The following LRRC43 variants were observed in gnomAD, a reference collection of about 807,000 sequenced individuals.
LRRC43 encodes leucine rich repeat containing 43, also known as leucine-rich repeat-containing protein 43.
LRRC43 carries 62 observed loss-of-function variants against 64.3 expected under a neutral mutation model. That is an observed-to-expected ratio of 0.96 (90% CI 0.79 to 1.19). The LOEUF is 1.19. LRRC43 is among the 50% of genes most tolerant of loss of function. LRRC43 has a pLI of 0.00. For missense variants in LRRC43, 868 were observed against 845.0 expected, an observed-to-expected ratio of 1.03 and a Z score of -0.34; for synonymous variants, 422 against 382.3, an observed-to-expected ratio of 1.10 and a Z score of -1.21.
intron 1 of LRRC43, chr12:122,173,909 G>C: frequency 6.2e-7 from 1 of 1,614,102 alleles, no homozygotes; most frequent in East Asian, 2.2e-5. Flanking sequence ...TCATCACTTG[G>C]TCGTAGTAAA....
chr12:122,183,174 G>A lies in LRRC43; in HGVS notation c.30G>A (p.Glu10=), dbSNP rs1411313509. 1.9e-6 allele frequency: 3 copies of A among 1,556,056 alleles called. No homozygotes were observed. The highest frequency in any genetic ancestry group is 2.6e-6 in the Non-Finnish European group (3 of 1,158,156). MEASYESES[E]SESEAGPGTQ... is the part of the protein sequence containing the mutation. ...AGGCGTCGTACGAGTCCGAGTCCGAGTCCGAGTCTGAGGCCGGGCCTGGGA... is the reference window on the plus strand; with the variant it reads ...AGGCGTCGTACGAGTCCGAGTCCGAATCCGAGTCTGAGGCCGGGCCTGGGA... Residue 10 remains glutamate, a synonymous_variant, in exon 1 of 12, where the codon GAG becomes GAA. Coordinates refer to ENST00000339777, the MANE Select transcript of LRRC43 (RefSeq NM_001098519.2).
chr12:122,186,003 G>A (rs570022820), intron 2 of LRRC43, among the ~76,000 whole-genome samples, 187 bp from the exon 3 acceptor site: 4 of 152,304 alleles, frequency 2.6e-5, no homozygotes, highest in East Asian at 1.9e-4. Context: ...GAAGGATGGA[G>A]GTTGGGAGAG....
chr12:122,174,111 G>A, intron 1 of LRRC43: 1 of 1,614,030 alleles, frequency 6.2e-7, no homozygotes, highest in Non-Finnish European at 8.5e-7. Context: ...TTCCTGGTGA[G>A]ATAAGATGAT....
intron 1 of LRRC43, chr12:122,172,651 G>A (rs146057190): frequency 6.2e-7 from 1 of 1,614,136 alleles, no homozygotes; most frequent in Non-Finnish European, 8.5e-7. Flanking sequence ...CGGATGGCTG[G>A]GCTGTGGATG....
At chr12:122,192,284 G>C (rs898035920) in intron 6 of LRRC43, among the ~76,000 whole-genome samples, 1 of 152,022 alleles carries the variant, frequency 6.6e-6, no homozygotes, top group African/African-American at 2.4e-5. Context: ...TTACAGGCTC[G>C]CGCCACCATA....
intron 1 of LRRC43, among the ~76,000 whole-genome samples, chr12:122,176,779 T>G (rs1159095840): frequency 6.6e-6 from 1 of 151,922 alleles, no homozygotes; most frequent in East Asian, 1.9e-4. Flanking sequence ...CTCAGCCTCC[T>G]GAGTAGCTGG....
chr12:122,184,808 T>C lies in LRRC43; in HGVS notation c.411+29T>C. On this transcript the variant is annotated intron_variant, in intron 2 of 11. Transcript: ENST00000339777. This position sits in a 1 kb window ranked among gnomAD's most constrained non-coding sequence, Gnocchi z 4.0. The stretch of plus-strand genomic sequence containing the variant: ...AGTGCTGGGCACGTGGTAGGTGATG[T>C]TAGGGTGGCCGCTCCCCTAAGGGAG... 6.4e-7 allele frequency: 1 copy of C among 1,573,236 alleles called. No individual in the cohort carries two copies. Among genetic ancestry groups the C allele is most frequent in the Non-Finnish European group, 8.6e-7 (1 of 1,159,176 alleles).
rs753706800 is a variant in LRRC43 at position 122,184,684 on chromosome 12, A to G, written c.316A>G (p.Ser106Gly). The G allele has an allele frequency of 2.5e-6, 4 of 1,613,986 alleles. No individual in the cohort carries two copies. The East Asian group carries it at 8.9e-5, about 36-fold the overall frequency. The change falls in exon 2 of 12, where the codon AGT (serine) becomes GGT (glycine). Residue 106 changes from serine (S) to glycine (G), a missense_variant. Physicochemically the swap from Ser to Gly is moderately conservative, Grantham distance 56. Transcript: ENST00000339777. The surrounding 1 kb of genome is among the most constrained non-coding windows in gnomAD (Gnocchi z 4.0). ...GCTGAACAACTCGAATGCAGAAGAC[A>G]GTTTCCTGAGAGAATTGGCCATCCG... is the stretch of plus-strand genomic sequence containing the variant. ...ALLNNSNAEDSFLRELAIRNP... is the reference protein window; with the variant it reads ...ALLNNSNAEDGFLRELAIRNP...
Position 122,191,550 on chromosome 12 carries a change from G to A in LRRC43, c.1072G>A (p.Ala358Thr), listed in dbSNP as rs778932116. The A allele has an allele frequency of 2.4e-4, 380 of 1,613,840 alleles. 1 individual carries two copies. Among genetic ancestry groups the A allele is most frequent in the Non-Finnish European group, 3.0e-4 (351 of 1,179,934 alleles). ...KDEEGEMNESAGVLAEIVKPS... is the reference protein window; with the variant it reads ...KDEEGEMNESTGVLAEIVKPS... ...TGAAGAAGGCGAAATGAATGAGTCC[G>A]CGGGCGTCCTGGCCGAGGTGTGCCC... The change falls in exon 6 of 12, where the codon GCG (alanine) becomes ACG (threonine). Residue 358 changes from alanine (A) to threonine (T), a missense_variant. Physicochemically the swap from Ala to Thr is moderately conservative, Grantham distance 58. Coordinates refer to ENST00000339777, the MANE Select transcript of LRRC43 (RefSeq NM_001098519.2).
intron 1 of LRRC43, among the ~76,000 whole-genome samples, chr12:122,173,307 T>C (rs1425667986): frequency 6.6e-6 from 1 of 152,232 alleles, no homozygotes; most frequent in Non-Finnish European, 1.5e-5. Flanking sequence ...AAGCCAAGGC[T>C]AAGGTCTAAA....
Position 122,203,377 on chromosome 12 carries a change from G to C in LRRC43, c.1906G>C (p.Glu636Gln), listed in dbSNP as rs765625412. 1 of 1,613,474 alleles carries C rather than the reference G, an allele frequency of 6.2e-7. No individual in the cohort carries two copies. The highest frequency in any genetic ancestry group is 1.7e-5 in the Admixed American group (1 of 60,002). The change falls in exon 12 of 12, where the codon GAG becomes CAG. Residue 636 changes from glutamate to glutamine, a missense_variant. By Grantham distance (29) the Glu-to-Gln change is conservative. Transcript: ENST00000339777. ...TTACCACCCTGAGCCCCTGACCGTA[G>C]AGGTGCAGATCCAGCTGAACCAGTG... Reference protein sequence around the residue: ...GDYHPEPLTVEVQIQLNQCRS... With the variant: ...GDYHPEPLTVQVQIQLNQCRS...
At chr12:122,183,329 G>C in intron 1 of LRRC43, 35 bp downstream of exon 1, 1 of 1,421,076 alleles carries the variant, frequency 7.0e-7, no homozygotes, top group South Asian at 1.5e-5. Flanking sequence ...TGGGGGCCTG[G>C]ACCGGCTGCG....
chr12:122,182,018 A>G (rs1245917901), upstream of LRRC43, among the ~76,000 whole-genome samples: 1 of 152,192 alleles, frequency 6.6e-6, no homozygotes, highest in Non-Finnish European at 1.5e-5. Context: ...CCAGTGTGAT[A>G]GTATTAAAAC....
intron 7 of LRRC43, among the ~76,000 whole-genome samples, chr12:122,195,094 C>G (rs975586039): frequency 6.6e-6 from 1 of 152,116 alleles, no homozygotes; most frequent in African/African-American, 2.4e-5. Flanking sequence ...AACTTCTTTT[C>G]ATGTTTCGTG....
chr12:122,193,381 T>TAAAAAAAAA (rs34910328), intron 7 of LRRC43, among the ~76,000 whole-genome samples: 4 of 47,182 alleles, frequency 8.5e-5, no homozygotes, highest in Admixed American at 3.2e-4. Flanking sequence ...CTCCGTCTCA[T>TAAAAAAAAA]AAAAAAAAAA....
intron 7 of LRRC43, among the ~76,000 whole-genome samples, chr12:122,199,003 CAG>C (rs1665706056): frequency 1.5e-5 from 2 of 136,878 alleles, no homozygotes; most frequent in East Asian, 4.6e-4. Context: ...TTTTTTGAGA[CAG>C]AGTTGCTCTG....
At chr12:122,201,169 C>A in intron 10 of LRRC43, 127 bp from the exon 11 acceptor site, 1 of 1,107,034 alleles carries the variant, frequency 9.0e-7, no homozygotes, top group Non-Finnish European at 1.3e-6. Context: ...GGGCAGCCAC[C>A]CTCACCAGGA....
In LRRC43 at chr12:122,187,856, A is replaced by T. The variant is rs1218552364; in HGVS notation, c.662+16A>T. The T allele has an allele frequency of 6.2e-7, 1 of 1,613,588 alleles. No individual in the cohort carries two copies. Among genetic ancestry groups the T allele is most frequent in the Non-Finnish European group, 8.5e-7 (1 of 1,179,646 alleles). ...CTAATCACTGGTAACTCGGGAGCCC[A>T]GATGGAAAGTGAGAGGGAGGGATTA... On this transcript the variant is annotated intron_variant, in intron 4 of 11. Coordinates refer to ENST00000339777, the MANE Select transcript of LRRC43 (RefSeq NM_001098519.2).
At position 122,175,707 on chromosome 12, in the gene LRRC43, C is replaced by T. The variant is rs556344503; in HGVS notation, c.-406+7925C>T. Among the ~76,000 whole-genome samples, 8 of 151,970 alleles carry T rather than the reference C, an allele frequency of 5.3e-5. No homozygotes were observed. In the East Asian group the frequency reaches 9.7e-4, roughly 18 times the overall value. On this transcript the variant is annotated intron_variant, in intron 1 of 5. Transcript: ENST00000537729. ...TTGAGACAGAGTTTCGCTCTTGTTG[C>T]CCAGGCTGGAGTGCAATAGCACGAT...
Sources: gnomAD v4.1 joint callset for allele counts (sites outside exome capture counted in the v4.1 genomes callset) on GRCh38, gnomAD v4.1.1 for gene constraint, Gnocchi (gnomAD v3.1) non-coding constraint, MANE v1.5 for transcripts, NCBI Gene and HGNC (gene_info 2026-07-23, HGNC 2026-07-21) for gene names.